The following IQSEC3 variants were observed in gnomAD, a reference collection of about 807,000 sequenced individuals.
IQSEC3 encodes IQ motif and Sec7 domain ArfGEF 3.
A neutral mutation model predicts 105.4 loss-of-function variants in IQSEC3; 50 were observed. The ratio of observed to expected loss-of-function variants is 0.47; its 90% CI spans 0.38 to 0.60. The LOEUF (loss-of-function observed/expected upper bound fraction) is 0.60, where lower values mean the gene tolerates loss of function less well. IQSEC3 is among the 20% of genes least tolerant of loss of function. IQSEC3 has a pLI of 0.00. For missense variants in IQSEC3, 1,415 were observed against 1,630.0 expected (o/e 0.87, Z 2.27); for synonymous variants, 708 against 746.0 (o/e 0.95, Z 0.83).
intron 1 of IQSEC3, among the ~76,000 whole-genome samples, chr12:91,622 A>G (rs550814660): frequency 2.6e-5 from 4 of 152,244 alleles, no homozygotes; most frequent in African/African-American, 9.6e-5. Flanking sequence ...AAAAAAGTCA[A>G]AAAGAAAGTA....
intron 5 of IQSEC3, among the ~76,000 whole-genome samples, chr12:142,790 T>C (rs188090917): frequency 1.3e-3 from 203 of 152,246 alleles, no homozygotes; most frequent in African/African-American, 4.7e-3. Context: ...AGGGGAGAGA[T>C]GGCATTTCCT....
intron 8 of IQSEC3, among the ~76,000 whole-genome samples, chr12:162,666 C>T (rs1420022303): frequency 6.6e-6 from 1 of 152,140 alleles, no homozygotes; most frequent in Non-Finnish European, 1.5e-5. Context: ...GCACTGGGCT[C>T]CCTCCTCCCA....
intron 3 of IQSEC3, among the ~76,000 whole-genome samples, chr12:136,705 C>T (rs148286382): frequency 9.7e-4 from 148 of 152,306 alleles, no homozygotes; most frequent in Admixed American, 1.8e-3. Context: ...AAGGACACCA[C>T]GTGTAAGTGG....
chr12:85,755 T>C (rs180764419), intron 1 of IQSEC3, among the ~76,000 whole-genome samples: 1 of 152,262 alleles, frequency 6.6e-6, no homozygotes, highest in Non-Finnish European at 1.5e-5. Flanking sequence ...TGAGCAAATA[T>C]CTTAGACTCT....
intron 1 of IQSEC3, among the ~76,000 whole-genome samples, chr12:85,654 G>C (rs528842628): frequency 3.4e-4 from 52 of 152,248 alleles, no homozygotes; most frequent in African/African-American, 1.2e-3. Flanking sequence ...AGGAAGCTAG[G>C]GCCTCCTGGC....
At chr12:159,600 C>G (rs1348337131) in intron 7 of IQSEC3, among the ~76,000 whole-genome samples, 1 of 152,214 alleles carries the variant, frequency 6.6e-6, no homozygotes, top group African/African-American at 2.4e-5. Context: ...GCTCTGCCAT[C>G]CCAGCTGCTG....
intron 5 of IQSEC3, among the ~76,000 whole-genome samples, chr12:149,771 G>C (rs1422227220): frequency 2.6e-5 from 4 of 152,202 alleles, no homozygotes; most frequent in African/African-American, 9.6e-5. Context: ...ACAGAGACCT[G>C]CAGGGTTGGG....
intron 1 of IQSEC3, among the ~76,000 whole-genome samples, chr12:94,133 G>C (rs1403869099): frequency 6.6e-6 from 1 of 152,220 alleles, no homozygotes; most frequent in Non-Finnish European, 1.5e-5. Flanking sequence ...CTGCAGTGAT[G>C]CTTCTTTGCA....
chr12:76,124 ACACACAC>A (rs1555069006), intron 1 of IQSEC3, among the ~76,000 whole-genome samples: 22 of 136,620 alleles, frequency 1.6e-4, no homozygotes, highest in Admixed American at 1.5e-3. Flanking sequence ...ACACACACAC[ACACACAC>A]AAGGCCTCAG....
intron 7 of IQSEC3, among the ~76,000 whole-genome samples, chr12:161,079 C>T (rs556579136): frequency 1.7e-3 from 261 of 152,240 alleles, no homozygotes; most frequent in Middle Eastern, 3.4e-3. Context: ...CAAGATCAGA[C>T]GTGGAAGAGA....
chr12:169,477 T>C (rs1555099657), intron 12 of IQSEC3, among the ~76,000 whole-genome samples: 1 of 151,982 alleles, frequency 6.6e-6, no homozygotes, highest in Non-Finnish European at 1.5e-5. Context: ...CGAGGAACAC[T>C]CTCCAACCAG....
At chr12:135,731 T>G (rs1011629228) in intron 3 of IQSEC3, among the ~76,000 whole-genome samples, 18 of 152,220 alleles carry the variant, frequency 1.2e-4, no homozygotes, top group African/African-American at 4.3e-4. Flanking sequence ...GCTATCAGGT[T>G]ATGAAGCAGG....
chr12:66,877 G>C lies in IQSEC3; in HGVS notation c.-6G>C. 7.0e-7 allele frequency: 1 copy of C among 1,419,160 alleles called. No homozygotes were observed. The highest frequency in any genetic ancestry group is 9.2e-7 in the Non-Finnish European group (1 of 1,085,484). The allele number at this position is 1,419,160 out of a possible 1,614,324, so 87.9% of individuals were successfully genotyped here. Reference sequence around the variant, plus strand: ...CGCAGGCAGGGCGCAGGCGGCGGCGGGCGGCATGGAGAGCCTGCTGGAGAA... The same window carrying C: ...CGCAGGCAGGGCGCAGGCGGCGGCGCGCGGCATGGAGAGCCTGCTGGAGAA... On this transcript the variant is annotated 5_prime_UTR_variant, in exon 1 of 14. Coordinates refer to ENST00000538872, the MANE Select transcript of IQSEC3 (RefSeq NM_001170738.2).
At chr12:158,387 CTCT>C (rs1292613190) in intron 7 of IQSEC3, among the ~76,000 whole-genome samples, 1 of 152,108 alleles carries the variant, frequency 6.6e-6, no homozygotes, top group Non-Finnish European at 1.5e-5. Context: ...TTTTTTCTAT[CTCT>C]TTTTTTAACT....
intron 1 of IQSEC3, among the ~76,000 whole-genome samples, chr12:75,621 G>T (rs1264132966): frequency 1.3e-5 from 2 of 152,270 alleles, no homozygotes; most frequent in African/African-American, 2.4e-5. Context: ...TGGGCAGGAA[G>T]AGCTGGCAGG....
intron 13 of IQSEC3, among the ~76,000 whole-genome samples, chr12:172,688 T>C (rs1472251472): frequency 6.6e-6 from 1 of 152,232 alleles, no homozygotes; most frequent in Non-Finnish European, 1.5e-5. Flanking sequence ...TCTGAGCTGT[T>C]CTCTGACCTG....
rs1864345706 is a variant in IQSEC3, at chr12:99,319, CAT to C, written c.623+106_623+107del. On this transcript the variant is annotated intron_variant, in intron 2 of 13. Coordinates refer to ENST00000538872, the MANE Select transcript of IQSEC3 (RefSeq NM_001170738.2). ...TATTGGGCCTCCTCCTCTTGAGTCT[CAT>C]GTGGGGTAATTTGTTTGCTTTCACC... The C allele has an allele frequency of 2.9e-6, 3 of 1,020,234 alleles. No individual in the cohort carries two copies. The African/African-American group carries it at 4.8e-5, about 16-fold the overall frequency. 63.2% of individuals were successfully genotyped at this position (1,020,234 alleles called of 1,614,324 possible). A position where few individuals can be genotyped will look rare whatever the true frequency, so the allele number is the denominator to read the frequency against.
chr12:81,796 G>T (rs1309599852), intron 1 of IQSEC3, among the ~76,000 whole-genome samples: 1 of 152,188 alleles, frequency 6.6e-6, no homozygotes, highest in East Asian at 1.9e-4. Context: ...GGGCAGATTT[G>T]CAATGCACAC....
Position 138,934 on chromosome 12 carries a change from C to A in IQSEC3, c.1571C>A (p.Ala524Glu). 6.3e-7 allele frequency: 1 copy of A among 1,589,430 alleles called. No individual in the cohort carries two copies. The highest frequency in any genetic ancestry group is 8.6e-7 in the Non-Finnish European group (1 of 1,169,106). The part of the protein sequence containing the change: ...QTVQAPAEPA[A>E]GKAEQGETSG... ...GTCCAGGCCCCCGCAGAGCCCGCGG[C>A]GGGCAAGGCCGAGCAGGGCGAGACC... Residue 524 changes from alanine (A) to glutamate (E), a missense_variant, in exon 4 of 14, where the codon GCG (alanine) becomes GAG (glutamate). Physicochemically the swap from Ala to Glu is moderately radical, Grantham distance 107. Coordinates refer to ENST00000538872, the MANE Select transcript of IQSEC3 (RefSeq NM_001170738.2). This position sits in a 1 kb window ranked among gnomAD's most constrained non-coding sequence, Gnocchi z 7.1.
Sources: gnomAD v4.1 joint callset for allele counts (sites outside exome capture counted in the v4.1 genomes callset) on GRCh38, gnomAD v4.1.1 for gene constraint, Gnocchi (gnomAD v3.1) non-coding constraint, MANE v1.5 for transcripts, NCBI Gene and HGNC (gene_info 2026-07-23, HGNC 2026-07-21) for gene names.